EML4: variants seen among roughly 807,000 people sequenced by gnomAD.
EML4 encodes the protein echinoderm microtubule-associated protein-like 4.
Under a neutral mutation model 129.0 loss-of-function variants are expected in EML4, and 72 were observed. The observed-to-expected ratio is 0.56, with a 90% CI of 0.46 to 0.68. The LOEUF (loss-of-function observed/expected upper bound fraction) is 0.68. Ranked by LOEUF, EML4 falls within the 30% of genes least tolerant of loss-of-function variation. The pLI is 0.00. For missense variants in EML4, 1,363 were observed against 1,190.6 expected (o/e 1.14, Z -2.13); for synonymous variants, 532 against 405.0 (o/e 1.31, Z -3.77).
At chr2:42,270,366 C>T (rs1208200935) in intron 6 of EML4, among the ~76,000 whole-genome samples, 1 of 152,136 alleles carries the variant, frequency 6.6e-6, no homozygotes, top group East Asian at 1.9e-4. Flanking sequence ...CAAGATCAGC[C>T]TGGGCAACAT....
intron 1 of EML4, among the ~76,000 whole-genome samples, chr2:42,177,379 G>A (rs918547557): frequency 6.6e-6 from 1 of 152,042 alleles, no homozygotes; most frequent in African/African-American, 2.4e-5. Context: ...CCAACAGTTT[G>A]GGAGGCTGAG....
chr2:42,278,326 A>G (rs567420221), intron 6 of EML4, among the ~76,000 whole-genome samples: 383 of 152,242 alleles, frequency 2.5e-3, no homozygotes, highest in African/African-American at 8.7e-3. Flanking sequence ...TAATCCCAGC[A>G]CTTTGGGAGG....
Position 42,247,780 on chromosome 2 carries a change from T to G in EML4, c.208+2093T>G, listed in dbSNP as rs1675507354. 1.3e-5 allele frequency among the ~76,000 whole-genome samples: 2 copies of G among 151,980 alleles called. 1 individual carries two copies. Among genetic ancestry groups the G allele is most frequent in the South Asian group, 4.1e-4 (2 of 4,822 alleles). On this transcript the variant is annotated intron_variant, in intron 2 of 22. Coordinates refer to ENST00000318522, the MANE Select transcript of EML4 (RefSeq NM_019063.5). Reference sequence around the variant, plus strand: ...ATTTTTATAGGAGGATTTTGGATTTTTAGAGTAGGATAAGGAGCTAGATCT... The same window carrying G: ...ATTTTTATAGGAGGATTTTGGATTTGTAGAGTAGGATAAGGAGCTAGATCT...
intron 1 of EML4, among the ~76,000 whole-genome samples, chr2:42,177,256 C>CTTT (rs70959501): frequency 6.9e-4 from 102 of 148,000 alleles, no homozygotes; most frequent in Middle Eastern, 3.5e-3. Context: ...TTTCATACCT[C>CTTT]TTTTTTTTTT....
At chr2:42,211,177 A>G (rs186935853) in intron 1 of EML4, among the ~76,000 whole-genome samples, 3 of 152,340 alleles carry the variant, frequency 2.0e-5, no homozygotes, top group East Asian at 3.9e-4. Flanking sequence ...AGTATGAAAT[A>G]TGGTCTCCCA....
chr2:42,236,016 T>C (rs1291323593), intron 1 of EML4, among the ~76,000 whole-genome samples: 1 of 152,174 alleles, frequency 6.6e-6, no homozygotes, highest in Non-Finnish European at 1.5e-5. Context: ...CAATACATGT[T>C]TTAATCACGT....
intron 1 of EML4, among the ~76,000 whole-genome samples, chr2:42,241,891 G>A (rs1258318562): frequency 6.6e-6 from 1 of 151,156 alleles, no homozygotes; most frequent in Non-Finnish European, 1.5e-5. Flanking sequence ...GGGAAGCTGA[G>A]GTAATAAATA....
At chr2:42,262,741 T>C (rs1665810901) in intron 4 of EML4, among the ~76,000 whole-genome samples, 1 of 152,208 alleles carries the variant, frequency 6.6e-6, no homozygotes, top group African/African-American at 2.4e-5. Flanking sequence ...TATACCTTGT[T>C]ATATTTAGAA....
intron 3 of EML4, among the ~76,000 whole-genome samples, chr2:42,260,571 A>G (rs570680328): frequency 2.0e-5 from 3 of 152,348 alleles, no homozygotes; most frequent in South Asian, 4.1e-4. Flanking sequence ...CTTAGTTTTC[A>G]TAGAAATTGC....
intron 2 of EML4, among the ~76,000 whole-genome samples, chr2:42,247,476 G>T (rs1045665242): frequency 6.6e-6 from 1 of 152,046 alleles, no homozygotes; most frequent in South Asian, 2.1e-4. Flanking sequence ...TTTCCCTCTT[G>T]GCCTCATGTA....
chr2:42,258,669 G>A (rs992806448), intron 3 of EML4, among the ~76,000 whole-genome samples: 2 of 152,070 alleles, frequency 1.3e-5, no homozygotes, highest in African/African-American at 4.8e-5. Context: ...CAAAGTGGTG[G>A]GATTACAGGT....
chr2:42,239,412 T>C (rs1384496260), intron 1 of EML4, among the ~76,000 whole-genome samples: 2 of 152,226 alleles, frequency 1.3e-5, no homozygotes, highest in Non-Finnish European at 2.9e-5. Context: ...AATAAAAGCA[T>C]AATGAATAGC....
intron 17 of EML4, among the ~76,000 whole-genome samples, chr2:42,309,991 C>T (rs1317249261): frequency 6.6e-6 from 1 of 152,178 alleles, no homozygotes; most frequent in Non-Finnish European, 1.5e-5. Context: ...TCCAATTCGT[C>T]TTGAGTTAAT....
intron 3 of EML4, among the ~76,000 whole-genome samples, chr2:42,260,231 A>G (rs903329846): frequency 5.9e-5 from 9 of 151,746 alleles, no homozygotes; most frequent in African/African-American, 2.2e-4. Context: ...GCAATGGTGC[A>G]ATCTCCGCTC....
intron 1 of EML4, among the ~76,000 whole-genome samples, chr2:42,183,026 CA>C (rs1671039209): frequency 6.6e-6 from 1 of 152,146 alleles, no homozygotes. Flanking sequence ...CATGGTGGTG[CA>C]CTCCTGTGAT....
intron 2 of EML4, among the ~76,000 whole-genome samples, chr2:42,250,992 G>A (rs920929138): frequency 6.6e-6 from 1 of 152,094 alleles, no homozygotes; most frequent in African/African-American, 2.4e-5. Flanking sequence ...AATAGGATTT[G>A]TGCTCCTATG....
intron 1 of EML4, among the ~76,000 whole-genome samples, chr2:42,216,493 G>A (rs940378446): frequency 1.3e-5 from 2 of 150,686 alleles, no homozygotes; most frequent in Non-Finnish European, 3.0e-5. Flanking sequence ...CACCTATCTC[G>A]GCTTCCCAAA....
intron 1 of EML4, among the ~76,000 whole-genome samples, chr2:42,212,513 A>G (rs571003180): frequency 6.6e-6 from 1 of 152,320 alleles, no homozygotes; most frequent in African/African-American, 2.4e-5. Flanking sequence ...ATTGCATGAA[A>G]TAGAATATTT....
chr2:42,279,052 C>T (rs1666851091), intron 6 of EML4, among the ~76,000 whole-genome samples: 1 of 152,138 alleles, frequency 6.6e-6, no homozygotes, highest in African/African-American at 2.4e-5. Context: ...GATACCTATG[C>T]TGCCAATAAG....
Sources: gnomAD v4.1 joint callset for allele counts (sites outside exome capture counted in the v4.1 genomes callset) on GRCh38, gnomAD v4.1.1 for gene constraint, MANE v1.5 for transcripts, NCBI Gene and HGNC (gene_info 2026-07-23, HGNC 2026-07-21) for gene names.